Variants in FGD5 observed in about 807,000 individuals in gnomAD.
FGD5 encodes the protein FYVE, RhoGEF and PH domain containing 5, also known as FYVE, RhoGEF and PH domain-containing protein 5.
Under a neutral mutation model 133.4 loss-of-function variants are expected in FGD5, and 28 were observed. The ratio of observed to expected loss-of-function variants is 0.21; its 90% CI spans 0.16 to 0.29. The LOEUF is 0.29. Ranked by LOEUF, FGD5 falls within the 10% of genes least tolerant of loss-of-function variation. FGD5 has a pLI of 1.00. For synonymous variants in FGD5, 810 were observed against 776.5 expected (o/e 1.04, Z -0.72); for missense variants, 1,858 against 1,895.2 (o/e 0.98, Z 0.36).
chr3:14,918,186 G>A (rs910375543), intron 12 of FGD5, among the ~76,000 whole-genome samples: 1 of 152,240 alleles, frequency 6.6e-6, no homozygotes. Flanking sequence ...TGAGGAGCAG[G>A]AGGTTTTAGG....
In FGD5 at chr3:14,901,070, G is replaced by A. The variant is rs755808621; in HGVS notation, c.3264+9G>A. Reference sequence around the variant, plus strand: ...ACAGCATGGAGCAAGGGGTGAGTGCGGCCTGGCGGCCCCCTTCCTCAGACA... The same window carrying A: ...ACAGCATGGAGCAAGGGGTGAGTGCAGCCTGGCGGCCCCCTTCCTCAGACA... On this transcript the variant is annotated intron_variant, in intron 9 of 19. Coordinates refer to ENST00000285046, the MANE Select transcript of FGD5 (RefSeq NM_152536.4). 1.2e-5 allele frequency: 19 copies of A among 1,613,796 alleles called. No individual in the cohort carries two copies. The highest frequency in any genetic ancestry group is 9.9e-5 in the South Asian group (9 of 91,078).
intron 4 of FGD5, among the ~76,000 whole-genome samples, chr3:14,883,735 G>A (rs1483335589): frequency 6.6e-6 from 1 of 152,212 alleles, no homozygotes; most frequent in Non-Finnish European, 1.5e-5. Flanking sequence ...GGTGGAGGTG[G>A]GGAGGAGAAA....
chr3:14,895,810 C>T (rs927032479), intron 4 of FGD5, among the ~76,000 whole-genome samples: 1 of 152,072 alleles, frequency 6.6e-6, no homozygotes, highest in Non-Finnish European at 1.5e-5. Flanking sequence ...TGCAAGTGAT[C>T]CCTCATCTTT....
chr3:14,877,063 A>G (rs2037734105), intron 2 of FGD5, among the ~76,000 whole-genome samples: 1 of 152,134 alleles, frequency 6.6e-6, no homozygotes, highest in South Asian at 2.1e-4. Context: ...GAAATGCCAT[A>G]GCAATAGCAT....
intron 2 of FGD5, among the ~76,000 whole-genome samples, chr3:14,879,706 T>C (rs1458418792): frequency 1.3e-5 from 2 of 152,082 alleles, no homozygotes; most frequent in Admixed American, 1.3e-4. Flanking sequence ...TAATGATAAG[T>C]GTCGTGAGAG....
In FGD5 at chr3:14,819,500, T is replaced by C; in HGVS notation, c.429T>C (p.Leu143=). 6.4e-7 allele frequency: 1 copy of C among 1,551,176 alleles called. No individual in the cohort carries two copies. The highest frequency in any genetic ancestry group is 1.2e-5 in the South Asian group (1 of 84,020). ...GTGAGGAAGGCACAGACCTTGCTCT[T>C]GAGGATGAAGGGGAGGGCTGCGCTG... is the stretch of plus-strand genomic sequence containing the variant. ...REGEEGTDLA[L]EDEGEGCADE... Residue 143 remains leucine (L), a synonymous_variant, in exon 1 of 20, where the codon CTT becomes CTC. Coordinates refer to ENST00000285046, the MANE Select transcript of FGD5 (RefSeq NM_152536.4). This position sits in a 1 kb window ranked among gnomAD's most constrained non-coding sequence, Gnocchi z 4.1.
At chr3:14,855,825 T>C (rs80340595) in intron 1 of FGD5, among the ~76,000 whole-genome samples, 13,433 of 152,244 alleles carry the variant, frequency 0.088, 780 homozygotes, top group East Asian at 0.31. Context: ...ATTCTGTAGG[T>C]TGTCTTTTCA....
chr3:14,843,628 C>A (rs910307576), intron 1 of FGD5, among the ~76,000 whole-genome samples: 4 of 151,022 alleles, frequency 2.6e-5, no homozygotes, highest in Non-Finnish European at 5.9e-5. Context: ...AGGCACCAGT[C>A]TGCTGGCTGG....
Position 14,907,380 on chromosome 3 carries a change from T to C in FGD5, c.3265-260T>C, listed in dbSNP as rs2038360379. 2.0e-5 allele frequency among the ~76,000 whole-genome samples: 3 copies of C among 152,120 alleles called. No individual in the cohort carries two copies. The South Asian group carries it at 6.2e-4, about 32-fold the overall frequency. On this transcript the variant is annotated intron_variant, in intron 9 of 19. Coordinates refer to ENST00000285046, the MANE Select transcript of FGD5 (RefSeq NM_152536.4). ...ATAGGCTTAGAGAGCGTAGGAGCAG[T>C]TGTCCAGAGAAACACAGGGATGCTG...
At position 14,910,927 on chromosome 3, in the gene FGD5, C is replaced by T. The variant is rs745913162; in HGVS notation, c.3403C>T (p.Leu1135=). The T allele has an allele frequency of 1.9e-6, 3 of 1,611,472 alleles. No homozygotes were observed. The highest frequency in any genetic ancestry group is 2.2e-5 in the South Asian group (2 of 90,426). Residue 1135 remains leucine, a splice_region_variant and synonymous_variant, in exon 11 of 20, where the codon CTG becomes TTG. Coordinates refer to ENST00000285046, the MANE Select transcript of FGD5 (RefSeq NM_152536.4). ...GKNRRPRHLF[L]MNDVLLYTYP... ...AAACAGACGGCCCCGGCACCTATTT[C>T]TGGTAAGTGCCCGGTCCCCAAGCCC...
intron 9 of FGD5, among the ~76,000 whole-genome samples, chr3:14,902,338 A>C (rs2038255536): frequency 6.6e-6 from 1 of 151,476 alleles, no homozygotes; most frequent in Non-Finnish European, 1.5e-5. Flanking sequence ...GGATTTGCAC[A>C]CATGCCAGGA....
intron 11 of FGD5, among the ~76,000 whole-genome samples, chr3:14,914,646 A>G (rs2038517093): frequency 6.6e-6 from 1 of 152,110 alleles, no homozygotes; most frequent in Non-Finnish European, 1.5e-5. Flanking sequence ...GAACCTGTGC[A>G]CAGGTTCACT....
At chr3:14,822,186 C>T (rs894396653) in intron 1 of FGD5, among the ~76,000 whole-genome samples, 9 of 152,048 alleles carry the variant, frequency 5.9e-5, no homozygotes, top group South Asian at 4.2e-4. Flanking sequence ...ATGCCAAATA[C>T]GGTACATGTG....
At chr3:14,904,372 T>C (rs997044790) in intron 9 of FGD5, among the ~76,000 whole-genome samples, 1 of 152,244 alleles carries the variant, frequency 6.6e-6, no homozygotes, top group African/African-American at 2.4e-5. Flanking sequence ...GTCATTTATA[T>C]CAGTATGGAC....
intron 1 of FGD5, among the ~76,000 whole-genome samples, chr3:14,844,136 G>A (rs1324927338): frequency 6.9e-6 from 1 of 144,652 alleles, no homozygotes; most frequent in African/African-American, 2.5e-5. Context: ...ATAGCTAGGG[G>A]AGCTGGGATT....
intron 1 of FGD5, among the ~76,000 whole-genome samples, chr3:14,841,621 G>A (rs2036923194): frequency 6.6e-6 from 1 of 151,094 alleles, no homozygotes; most frequent in South Asian, 2.1e-4. Flanking sequence ...CACAGCTATA[G>A]GGCATGGGTG....
In FGD5 at chr3:14,933,190, G is replaced by T; in HGVS notation, c.*23G>T. On this transcript the variant is annotated 3_prime_UTR_variant, in exon 20 of 20. Coordinates refer to ENST00000285046, the MANE Select transcript of FGD5 (RefSeq NM_152536.4). ...TAGCAGTTATCAAGCATGTGGACTT[G>T]TAACAAATTCTTAGGTCAATATGTG... 6.2e-7 allele frequency: 1 copy of T among 1,612,094 alleles called. No homozygotes were observed. Among genetic ancestry groups the T allele is most frequent in the Non-Finnish European group, 8.5e-7 (1 of 1,179,086 alleles).
chr3:14,855,674 T>G (rs2037263633), intron 1 of FGD5, among the ~76,000 whole-genome samples: 1 of 152,132 alleles, frequency 6.6e-6, no homozygotes, highest in African/African-American at 2.4e-5. Flanking sequence ...GAAATGTCTA[T>G]TCATATCATT....
At chr3:14,880,919 A>G in intron 4 of FGD5, 147 bp downstream of exon 4, 1 of 1,053,210 alleles carries the variant, frequency 9.5e-7, no homozygotes, top group South Asian at 1.4e-5. Context: ...TTTTCAGGGA[A>G]GTCCGTCTCC....
Sources: gnomAD v4.1 joint callset for allele counts (sites outside exome capture counted in the v4.1 genomes callset) on GRCh38, gnomAD v4.1.1 for gene constraint, Gnocchi (gnomAD v3.1) non-coding constraint, MANE v1.5 for transcripts, NCBI Gene and HGNC (gene_info 2026-07-23, HGNC 2026-07-21) for gene names.